Variants in BLK observed in about 807,000 individuals in gnomAD.
The protein encoded by BLK is tyrosine-protein kinase Blk.
In BLK, 64 loss-of-function variants were observed where a neutral mutation model predicts 61.8. The observed-to-expected ratio is 1.03, with a 90% CI of 0.85 to 1.27. The LOEUF (loss-of-function observed/expected upper bound fraction) is 1.27. Ranked by LOEUF, BLK falls within the 50% of genes most tolerant of loss-of-function variation. The pLI, the probability that BLK is intolerant of heterozygous loss-of-function variation, is 0.00. For missense variants in BLK, 853 were observed against 660.5 expected (o/e 1.29, Z -3.19); for synonymous variants, 351 against 272.0 (o/e 1.29, Z -2.86).
intron 1 of BLK, among the ~76,000 whole-genome samples, chr8:11,504,411 GAAAAA>G (rs1188358209): frequency 4.9e-4 from 53 of 108,784 alleles, no homozygotes; most frequent in African/African-American, 1.4e-3. Context: ...GAAAAGAAAA[GAAAAA>G]AAAAAGAAAA....
In BLK at chr8:11,532,739, A is replaced by G. The variant is rs528003342; in HGVS notation, c.-1-10485A>G. ...TCAATTAACTTTTCTCCTAGTTGAG[A>G]GTCATGTTTTTCTGTTTCTTTGCAT... On this transcript the variant is annotated intron_variant, in intron 1 of 12. Coordinates refer to ENST00000259089, the MANE Select transcript of BLK (RefSeq NM_001715.3). 9.2e-5 allele frequency among the ~76,000 whole-genome samples: 14 copies of G among 152,284 alleles called. No homozygotes were observed. The East Asian group carries it at 2.7e-3, about 29-fold the overall frequency.
At chr8:11,510,958 G>T (rs2117286063) in intron 1 of BLK, among the ~76,000 whole-genome samples, 1 of 152,246 alleles carries the variant, frequency 6.6e-6, no homozygotes, top group African/African-American at 2.4e-5. Context: ...GAAATGCTTT[G>T]GCATTTTAAA....
intron 1 of BLK, among the ~76,000 whole-genome samples, chr8:11,525,155 C>CCCTT (rs1262556386): frequency 6.6e-6 from 1 of 152,182 alleles, no homozygotes; most frequent in Non-Finnish European, 1.5e-5. Context: ...TTCGTGCTGA[C>CCCTT]CCTTGCCTTT....
intron 5 of BLK, 39 bp downstream of exon 5, chr8:11,549,161 G>T: frequency 6.5e-7 from 1 of 1,541,368 alleles, no homozygotes; most frequent in South Asian, 1.2e-5. Context: ...CCAAGATGCA[G>T]TCACTGTTTC....
At position 11,562,712 on chromosome 8, in the gene BLK, G is replaced by A. The variant is rs13262953; in HGVS notation, c.1181-267G>A. Among the ~76,000 whole-genome samples, 54,541 of 152,070 alleles carry A rather than the reference G, an allele frequency of 0.36. 11,487 individuals carry two copies. The highest frequency in any genetic ancestry group is 0.92 in the East Asian group (4,775 of 5,174). On this transcript the variant is annotated intron_variant, in intron 11 of 12. Transcript: ENST00000259089. ...GTGGTGGCTGCCCATTGAGGCCATCGCTCTCTTTTTAAAGAACCAAAGTGG... is the reference window on the plus strand; with the variant it reads ...GTGGTGGCTGCCCATTGAGGCCATCACTCTCTTTTTAAAGAACCAAAGTGG...
At chr8:11,525,945 G>A (rs1049664830) in intron 1 of BLK, among the ~76,000 whole-genome samples, 4 of 152,002 alleles carry the variant, frequency 2.6e-5, no homozygotes, top group Non-Finnish European at 4.4e-5. Context: ...GGGTTTCACC[G>A]TGTTTTCATT....
intron 1 of BLK, among the ~76,000 whole-genome samples, chr8:11,506,910 A>C (rs553954110): frequency 1.5e-4 from 23 of 152,338 alleles, no homozygotes; most frequent in African/African-American, 5.5e-4. Context: ...ACGGGCTGAA[A>C]GATCTGCATC....
At position 11,554,752 on chromosome 8, in the gene BLK, C is replaced by T. The variant is rs779573209; in HGVS notation, c.482C>T (p.Ser161Phe). 6.2e-7 allele frequency: 1 copy of T among 1,613,702 alleles called. No individual in the cohort carries two copies. The highest frequency in any genetic ancestry group is 1.1e-5 in the South Asian group (1 of 91,074). Residue 161 changes from serine (S) to phenylalanine (F), a missense_variant, in exon 7 of 13, where the codon TCC becomes TTC. Transcript: ENST00000259089. Reference sequence around the variant, plus strand: ...TTCATGAACCCTCCAGGTGCCTTCTCCCTGTCTGTGAAGGATGTCACCACC... The same window carrying T: ...TTCATGAACCCTCCAGGTGCCTTCTTCCTGTCTGTGAAGGATGTCACCACC... ...RESETNKGAFSLSVKDVTTQG... is the reference protein window; with the variant it reads ...RESETNKGAFFLSVKDVTTQG...
At chr8:11,504,009 C>G (rs148715021) in intron 1 of BLK, among the ~76,000 whole-genome samples, 20 of 152,290 alleles carry the variant, frequency 1.3e-4, no homozygotes, top group African/African-American at 3.1e-4. Flanking sequence ...TTTCTTGGAG[C>G]TTAGGTCCTG....
At chr8:11,526,040 T>C (rs1333289632) in intron 1 of BLK, among the ~76,000 whole-genome samples, 1 of 152,240 alleles carries the variant, frequency 6.6e-6, no homozygotes, top group East Asian at 1.9e-4. Flanking sequence ...CCCAAAGTGC[T>C]GGGATTACAG....
chr8:11,505,003 T>C (rs73537757), intron 1 of BLK, among the ~76,000 whole-genome samples: 14,458 of 151,792 alleles, frequency 0.095, 827 homozygotes, highest in African/African-American at 0.12. Flanking sequence ...TACAGACACA[T>C]ACACATAAGA....
At chr8:11,559,420 C>CACAG (rs1491526132) in intron 10 of BLK, among the ~76,000 whole-genome samples, 3 of 151,314 alleles carry the variant, frequency 2.0e-5, no homozygotes, top group African/African-American at 4.9e-5. Context: ...CACACAGACT[C>CACAG]ACACACACAA....
At chr8:11,557,529 G>T (rs1183772226) in intron 9 of BLK, among the ~76,000 whole-genome samples, 2 of 152,222 alleles carry the variant, frequency 1.3e-5, no homozygotes, top group African/African-American at 4.8e-5. Flanking sequence ...CTGGGGGACA[G>T]TTCTCTCCAT....
At chr8:11,503,377 G>A (rs565548082) in intron 1 of BLK, among the ~76,000 whole-genome samples, 1 of 152,096 alleles carries the variant, frequency 6.6e-6, no homozygotes, top group Non-Finnish European at 1.5e-5. Context: ...GCTTTTATCT[G>A]GTTTCCTCTG....
intron 1 of BLK, among the ~76,000 whole-genome samples, chr8:11,505,864 C>T (rs560806139): frequency 6.6e-6 from 1 of 152,334 alleles, no homozygotes; most frequent in Admixed American, 6.5e-5. Flanking sequence ...CACTTCAGAG[C>T]TTTTGCCAAC....
rs1800078072 is a variant in BLK, at chr8:11,535,291, AG to A, written c.-1-7932del. ...AAGAAAGAAAGAAAGAAAGAAAGAA[AG>A]AAAGAAAGAAAGAAAGAAAGAAAGA... On this transcript the variant is annotated intron_variant, in intron 1 of 12. Coordinates refer to ENST00000259089, the MANE Select transcript of BLK (RefSeq NM_001715.3). Among the ~76,000 whole-genome samples, 2 of 145,462 alleles carry A rather than the reference AG, an allele frequency of 1.4e-5. 1 individual carries two copies. Among genetic ancestry groups the A allele is most frequent in the South Asian group, 4.8e-4 (2 of 4,158 alleles).
rs1267277869 is a variant in BLK, at chr8:11,533,596, GAGGAGGAGA to G, written c.-1-9619_-1-9611del. Among the ~76,000 whole-genome samples the G allele has an allele frequency of 2.5e-4, 35 of 139,754 alleles. 2 individuals are homozygous for G. Among genetic ancestry groups the G allele is most frequent in the South Asian group, 2.3e-3 (9 of 3,928 alleles). 91.7% of individuals were successfully genotyped at this position (139,754 alleles called of 152,430 possible). ...TCCCTGTCTGCCGGAGGAGGAGGAG[GAGGAGGAGA>G]AGGAGGAGGAGAGGAGTAGGAGGAG... On this transcript the variant is annotated intron_variant, in intron 1 of 12. Transcript: ENST00000259089.
At chr8:11,515,164 G>C (rs904618021) in intron 1 of BLK, among the ~76,000 whole-genome samples, 4 of 152,190 alleles carry the variant, frequency 2.6e-5, no homozygotes, top group African/African-American at 9.7e-5. Context: ...GGAAGCTCTC[G>C]AGTGGGGTGT....
chr8:11,556,227 G>C (rs1042045039), intron 8 of BLK: 8 of 298,624 alleles, frequency 2.7e-5, no homozygotes, highest in African/African-American at 1.7e-4. Flanking sequence ...GAGTGGGACA[G>C]GATCGCCATG....
Sources: gnomAD v4.1 joint callset for allele counts (sites outside exome capture counted in the v4.1 genomes callset) on GRCh38, gnomAD v4.1.1 for gene constraint, MANE v1.5 for transcripts, NCBI Gene and HGNC (gene_info 2026-07-23, HGNC 2026-07-21) for gene names.